The following NEU2 variants were observed in gnomAD, a reference collection of about 807,000 sequenced individuals.
The protein encoded by NEU2 is sialidase-2.
A neutral mutation model predicts 6.3 loss-of-function variants in NEU2; 7 were observed. The ratio of observed to expected loss-of-function variants is 1.12; its 90% CI spans 0.63 to 2.10. The LOEUF is 2.10. NEU2 is among the 30% of genes most tolerant of loss of function. NEU2 has a pLI of 0.00. For missense variants in NEU2, 509 were observed against 504.0 expected (o/e 1.01, Z -0.09); for synonymous variants, 208 against 223.3 (o/e 0.93, Z 0.61).
Position 233,034,537 on chromosome 2 carries a change from G to A in NEU2, c.623G>A (p.Arg208Gln), listed in dbSNP as rs759869264. The A allele has an allele frequency of 4.3e-6, 7 of 1,614,078 alleles. No homozygotes were observed. The highest frequency in any genetic ancestry group is 2.2e-5 in the East Asian group (1 of 44,862). Residue 208 changes from arginine to glutamine, a missense_variant, in exon 2 of 2, where the codon CGA (arginine) becomes CAA (glutamine). Transcript: ENST00000233840. This position sits in a 1 kb window ranked among gnomAD's most constrained non-coding sequence, Gnocchi z 4.8. ...CATGACCATGGGCGCACGTGGGCGC[G>A]AGGGCACTTTGTGGCCCAGGACACC... ...LSHDHGRTWA[R>Q]GHFVAQDTLE...
At chr2:233,033,006 G>T in intron 1 of NEU2, 134 bp downstream of exon 1, 2 of 979,664 alleles carry the variant, frequency 2.0e-6, no homozygotes, top group Non-Finnish European at 3.0e-6. Context: ...CCGGAGGAGA[G>T]ATAGAGCAGA....
At chr2:233,033,859 C>T (rs148433836) in intron 1 of NEU2, among the ~76,000 whole-genome samples, 1 of 152,272 alleles carries the variant, frequency 6.6e-6, no homozygotes, top group Middle Eastern at 3.4e-3. Flanking sequence ...TCTGTAAATG[C>T]ATATTGATGG....
At position 233,032,926 on chromosome 2, in the gene NEU2, T is replaced by C; in HGVS notation, c.201+54T>C. On this transcript the variant is annotated intron_variant, in intron 1 of 1. Transcript: ENST00000233840. Reference sequence around the variant, plus strand: ...CCCAGGGCTCTGCCACACCCTTTGCTGCTGTGATCAGGGGCCAGTCCTGGA... The same window carrying C: ...CCCAGGGCTCTGCCACACCCTTTGCCGCTGTGATCAGGGGCCAGTCCTGGA... 2.0e-6 allele frequency: 3 copies of C among 1,526,328 alleles called. No homozygotes were observed. In the South Asian group the frequency reaches 3.6e-5, roughly 18 times the overall value. 94.5% of individuals were successfully genotyped at this position (1,526,328 alleles called of 1,614,324 possible). A position where few individuals can be genotyped will look rare whatever the true frequency, so the allele number is the denominator to read the frequency against.
chr2:233,032,938 G>C lies in NEU2; in HGVS notation c.201+66G>C, dbSNP rs565639238. The C allele has an allele frequency of 2.5e-4, 366 of 1,489,974 alleles. 1 individual carries two copies. The highest frequency in any genetic ancestry group is 8.2e-6 in the Non-Finnish European group (9 of 1,096,666). 92.3% of individuals were successfully genotyped at this position (1,489,974 alleles called of 1,614,324 possible). A position where few individuals can be genotyped will look rare whatever the true frequency, so the allele number is the denominator to read the frequency against. ...CCACACCCTTTGCTGCTGTGATCAG[G>C]GGCCAGTCCTGGATCTCAAGAAATA... On this transcript the variant is annotated intron_variant, in intron 1 of 1. Transcript: ENST00000233840.
At chr2:233,033,515 G>A (rs958250980) in intron 1 of NEU2, among the ~76,000 whole-genome samples, 3 of 152,184 alleles carry the variant, frequency 2.0e-5, no homozygotes, top group Admixed American at 2.0e-4. Flanking sequence ...GACCATGGAT[G>A]TTAGACTTTT....
rs2106359874 is a variant in NEU2, at chr2:233,034,461, A to G, written c.547A>G (p.Lys183Glu). 6.2e-7 allele frequency: 1 copy of G among 1,614,078 alleles called. No homozygotes were observed. Among genetic ancestry groups the G allele is most frequent in the East Asian group, 2.2e-5 (1 of 44,866 alleles). The change falls in exon 2 of 2, where the codon AAA becomes GAA. Residue 183 changes from lysine (K) to glutamate (E), a missense_variant. Lys to Glu is a moderately conservative substitution (Grantham distance 56, BLOSUM62 1). Coordinates refer to ENST00000233840, the MANE Select transcript of NEU2 (RefSeq NM_005383.2). This position sits in a 1 kb window ranked among gnomAD's most constrained non-coding sequence, Gnocchi z 4.8. ...SLVVPAYAYR[K>E]LHPIQRPIPS... ...GGTGGTGCCCGCCTACGCCTACCGGAAACTTCACCCCATCCAAAGGCCGAT... is the reference window on the plus strand; with the variant it reads ...GGTGGTGCCCGCCTACGCCTACCGGGAACTTCACCCCATCCAAAGGCCGAT...
At chr2:233,033,373 G>A (rs914172157) in intron 1 of NEU2, among the ~76,000 whole-genome samples, 2 of 152,184 alleles carry the variant, frequency 1.3e-5, no homozygotes, top group African/African-American at 2.4e-5. Context: ...AGATGGACCT[G>A]GGTTCAAGTC....
rs756242343 is a variant in NEU2 at position 233,034,773 on chromosome 2, G to T, written c.859G>T (p.Gly287Cys). 1 of 1,537,704 alleles carries T rather than the reference G, an allele frequency of 6.5e-7. No homozygotes were observed. The highest frequency in any genetic ancestry group is 1.3e-5 in the South Asian group (1 of 78,562). Residue 287 changes from glycine to cysteine, a missense_variant, in exon 2 of 2, where the codon GGC (glycine) becomes TGC (cysteine). Coordinates refer to ENST00000233840, the MANE Select transcript of NEU2 (RefSeq NM_005383.2). This position sits in a 1 kb window ranked among gnomAD's most constrained non-coding sequence, Gnocchi z 4.8. ...CTTCCCCAGCCCCCGCTCGGGGCCT[G>T]GCTCCCCAGCCCAGTGGCTGCTCTA... ...ISFPSPRSGP[G>C]SPAQWLLYTH...
rs200263664 is a variant in NEU2 at position 233,032,912 on chromosome 2, G to A, written c.201+40G>A. 8 of 1,546,984 alleles carry A rather than the reference G, an allele frequency of 5.2e-6. No homozygotes were observed. In the Admixed American group the frequency reaches 1.6e-4, roughly 30 times the overall value. Reference sequence around the variant, plus strand: ...GTCTGCACTGGCTCCCCAGGGCTCTGCCACACCCTTTGCTGCTGTGATCAG... The same window carrying A: ...GTCTGCACTGGCTCCCCAGGGCTCTACCACACCCTTTGCTGCTGTGATCAG... On this transcript the variant is annotated intron_variant, in intron 1 of 1. Coordinates refer to ENST00000233840, the MANE Select transcript of NEU2 (RefSeq NM_005383.2).
Position 233,034,800 on chromosome 2 carries a change from A to G in NEU2, c.886A>G (p.Thr296Ala), listed in dbSNP as rs376870710. ...CTCCCCAGCCCAGTGGCTGCTCTAC[A>G]CTCACCCCACACACTCCTGGCAGAG... is the stretch of plus-strand genomic sequence containing the variant. Reference protein sequence around the residue: ...PGSPAQWLLYTHPTHSWQRAD... With the variant: ...PGSPAQWLLYAHPTHSWQRAD... Residue 296 changes from threonine (T) to alanine (A), a missense_variant, in exon 2 of 2, where the codon ACT becomes GCT. Coordinates refer to ENST00000233840, the MANE Select transcript of NEU2 (RefSeq NM_005383.2). The surrounding 1 kb of genome is among the most constrained non-coding windows in gnomAD (Gnocchi z 4.8). 6 of 1,572,114 alleles carry G rather than the reference A, an allele frequency of 3.8e-6. No individual in the cohort carries two copies. The African/African-American group carries it at 6.8e-5, about 18-fold the overall frequency.
At chr2:233,033,725 G>A (rs144513717) in intron 1 of NEU2, among the ~76,000 whole-genome samples, 366 of 152,300 alleles carry the variant, frequency 2.4e-3, no homozygotes, top group African/African-American at 8.3e-3. Context: ...TGCACCTTCC[G>A]CCAGGGCTTT....
At position 233,034,520 on chromosome 2, in the gene NEU2, T is replaced by C. The variant is rs761098102; in HGVS notation, c.606T>C (p.His202=). The change falls in exon 2 of 2, where the codon CAT becomes CAC. Residue 202 remains histidine (H), a synonymous_variant. Coordinates refer to ENST00000233840, the MANE Select transcript of NEU2 (RefSeq NM_005383.2). This position sits in a 1 kb window ranked among gnomAD's most constrained non-coding sequence, Gnocchi z 4.8. ...CCTTCTGCTTCCTCAGCCATGACCATGGGCGCACGTGGGCGCGAGGGCACT... is the reference window on the plus strand; with the variant it reads ...CCTTCTGCTTCCTCAGCCATGACCACGGGCGCACGTGGGCGCGAGGGCACT... ...PSAFCFLSHD[H]GRTWARGHFV... is the part of the protein sequence containing the mutation. 1.9e-6 allele frequency: 3 copies of C among 1,613,934 alleles called. No individual in the cohort carries two copies. The highest frequency in any genetic ancestry group is 2.5e-6 in the Non-Finnish European group (3 of 1,179,964).
rs867474491 is a variant in NEU2, at chr2:233,034,488, C to T, written c.574C>T (p.Pro192Ser). ...RKLHPIQRPI[P>S]SAFCFLSHDH... ...ACTTCACCCCATCCAAAGGCCGATCCCCTCTGCCTTCTGCTTCCTCAGCCA... is the reference window on the plus strand; with the variant it reads ...ACTTCACCCCATCCAAAGGCCGATCTCCTCTGCCTTCTGCTTCCTCAGCCA... The change falls in exon 2 of 2, where the codon CCC becomes TCC. Residue 192 changes from proline (P) to serine (S), a missense_variant. Coordinates refer to ENST00000233840, the MANE Select transcript of NEU2 (RefSeq NM_005383.2). The surrounding 1 kb of genome is among the most constrained non-coding windows in gnomAD (Gnocchi z 4.8). 3 of 1,614,056 alleles carry T rather than the reference C, an allele frequency of 1.9e-6. No individual in the cohort carries two copies. The African/African-American group carries it at 4.0e-5, about 22-fold the overall frequency.
At chr2:233,033,898 A>G (rs1690548978) in intron 1 of NEU2, among the ~76,000 whole-genome samples, 1 of 152,128 alleles carries the variant, frequency 6.6e-6, no homozygotes, top group Non-Finnish European at 1.5e-5. Context: ...CACTCAGCCG[A>G]GTGTGGCTGC....
rs1690566996 is a variant in NEU2, at chr2:233,034,813, A to G, written c.899A>G (p.His300Arg). The G allele has an allele frequency of 1.9e-6, 3 of 1,583,056 alleles. No homozygotes were observed. Among genetic ancestry groups the G allele is most frequent in the African/African-American group, 1.4e-5 (1 of 73,846 alleles). Residue 300 changes from histidine to arginine, a missense_variant, in exon 2 of 2, where the codon CAC (histidine) becomes CGC (arginine). Coordinates refer to ENST00000233840, the MANE Select transcript of NEU2 (RefSeq NM_005383.2). This position sits in a 1 kb window ranked among gnomAD's most constrained non-coding sequence, Gnocchi z 4.8. ...TGGCTGCTCTACACTCACCCCACAC[A>G]CTCCTGGCAGAGGGCCGACCTGGGT... ...AQWLLYTHPT[H>R]SWQRADLGAY...
At chr2:233,032,956 A>G in intron 1 of NEU2, 84 bp downstream of exon 1, 1 of 1,387,610 alleles carries the variant, frequency 7.2e-7, no homozygotes, top group Non-Finnish European at 9.9e-7. Context: ...CCTGGATCTC[A>G]AGAAATACAG....
At chr2:233,033,228 T>C (rs1690538899) in intron 1 of NEU2, among the ~76,000 whole-genome samples, 1 of 152,086 alleles carries the variant, frequency 6.6e-6, no homozygotes, top group African/African-American at 2.4e-5. Flanking sequence ...TGTCCTAAAG[T>C]CCCATTTTAT....
In NEU2 at chr2:233,034,422, A is replaced by G; in HGVS notation, c.508A>G (p.Arg170Gly). 2 of 1,613,946 alleles carry G rather than the reference A, an allele frequency of 1.2e-6. No homozygotes were observed. Among genetic ancestry groups the G allele is most frequent in the Non-Finnish European group, 1.7e-6 (2 of 1,179,894 alleles). ...GPGHCLQLHD[R>G]ARSLVVPAYA... The stretch of plus-strand genomic sequence containing the variant: ...GGGGCATTGTTTGCAGCTTCACGAC[A>G]GGGCCCGGAGCCTGGTGGTGCCCGC... The change falls in exon 2 of 2, where the codon AGG (arginine) becomes GGG (glycine). Residue 170 changes from arginine (R) to glycine (G), a missense_variant. Physicochemically the swap from Arg to Gly is moderately radical, Grantham distance 125. Coordinates refer to ENST00000233840, the MANE Select transcript of NEU2 (RefSeq NM_005383.2). The surrounding 1 kb of genome is among the most constrained non-coding windows in gnomAD (Gnocchi z 4.8).
Position 233,034,737 on chromosome 2 carries a change from A to T in NEU2, c.823A>T (p.Ser275Cys). 6.5e-7 allele frequency: 1 copy of T among 1,538,576 alleles called. No homozygotes were observed. The highest frequency in any genetic ancestry group is 2.3e-5 in the East Asian group (1 of 44,158). ...GCCGCCGCCCCAGGGCTGCCAGGGG[A>T]GCGTCATCAGCTTCCCCAGCCCCCG... ...VEPPPQGCQG[S>C]VISFPSPRSG... is the part of the protein sequence containing the mutation. Residue 275 changes from serine (S) to cysteine (C), a missense_variant, in exon 2 of 2, where the codon AGC becomes TGC. Transcript: ENST00000233840. The surrounding 1 kb of genome is among the most constrained non-coding windows in gnomAD (Gnocchi z 4.8).
Sources: gnomAD v4.1 joint callset for allele counts (sites outside exome capture counted in the v4.1 genomes callset) on GRCh38, gnomAD v4.1.1 for gene constraint, Gnocchi (gnomAD v3.1) non-coding constraint, MANE v1.5 for transcripts, NCBI Gene and HGNC (gene_info 2026-07-23, HGNC 2026-07-21) for gene names.